SLIT3: variants seen among roughly 807,000 people sequenced by gnomAD.
The protein encoded by SLIT3 is slit guidance ligand 3, also known as slit homolog 3 protein.
SLIT3 carries 68 observed loss-of-function variants against 184.0 expected under a neutral mutation model. The ratio of observed to expected loss-of-function variants is 0.37; its 90% confidence interval spans 0.30 to 0.45. The LOEUF (loss-of-function observed/expected upper bound fraction) is 0.45, where lower values mean the gene tolerates loss of function less well. Among genes scored for constraint, SLIT3 ranks in the 20% least tolerant of loss-of-function variants. SLIT3 has a pLI of 1.00. For missense variants in SLIT3, 1,707 were observed against 2,026.0 expected (o/e 0.84, Z 3.02); for synonymous variants, 831 against 828.6 (o/e 1.00, Z -0.05).
intron 18 of SLIT3, among the ~76,000 whole-genome samples, chr5:168,751,990 C>T (rs904673024): frequency 3.3e-5 from 5 of 152,264 alleles, no homozygotes; most frequent in South Asian, 2.1e-4. Context: ...CCACCTGCCT[C>T]GGCCTCCCAA....
chr5:168,798,220 C>CTTTTTTTTTTTTT lies in SLIT3; in HGVS notation c.936-2643_936-2642insAAAAAAAAAAAAA, dbSNP rs575178855. On this transcript the variant is annotated intron_variant, in intron 9 of 35. Coordinates refer to ENST00000519560, the MANE Select transcript of SLIT3 (RefSeq NM_003062.4). The stretch of plus-strand genomic sequence containing the variant: ...CTTTTGGTTTTCTTTTCTTCTTCTT[C>CTTTTTTTTTTTTT]TTCTTTTTTTTTTTTTTTTAAGAGA... 1.1e-3 allele frequency among the ~76,000 whole-genome samples: 118 copies of CTTTTTTTTTTTTT among 112,244 alleles called. 7 individuals carry two copies. The highest frequency in any genetic ancestry group is 6.4e-3 in the South Asian group (17 of 2,652). The allele number at this position is 112,244 out of a possible 152,430, so 73.6% of individuals were successfully genotyped here. A position where few individuals can be genotyped will look rare whatever the true frequency, so the allele number is the denominator to read the frequency against.
chr5:168,948,228 A>G (rs189328554), intron 4 of SLIT3, among the ~76,000 whole-genome samples: 3 of 152,238 alleles, frequency 2.0e-5, no homozygotes, highest in African/African-American at 7.2e-5. Flanking sequence ...GGCCTGATGC[A>G]CTGCCTGGCA....
intron 32 of SLIT3, among the ~76,000 whole-genome samples, chr5:168,677,658 A>T (rs1295834014): frequency 1.3e-5 from 2 of 152,214 alleles, no homozygotes; most frequent in Non-Finnish European, 2.9e-5. Flanking sequence ...CATGTTGGCC[A>T]GGCTGTTCTT....
chr5:168,709,753 C>T (rs1260865695), intron 25 of SLIT3, among the ~76,000 whole-genome samples: 1 of 151,554 alleles, frequency 6.6e-6, no homozygotes, highest in African/African-American at 2.4e-5. Context: ...GATTATCAAA[C>T]AACTGTGTAT....
In SLIT3 at chr5:168,844,490, C is replaced by T. The variant is rs1308672415; in HGVS notation, c.557+94G>A. On this transcript the variant is annotated intron_variant, in intron 6 of 35. Transcript: ENST00000519560. Reference sequence around the variant, plus strand: ...AAATGCATTCACACAGACCCTCCTGCACACACTCTCCCCCTCTCTCCTCCC... The same window carrying T: ...AAATGCATTCACACAGACCCTCCTGTACACACTCTCCCCCTCTCTCCTCCC... 5.2e-6 allele frequency: 6 copies of T among 1,164,402 alleles called. No homozygotes were observed. The Admixed American group carries it at 7.4e-5, about 14-fold the overall frequency. The allele number at this position is 1,164,402 out of a possible 1,614,324, so 72.1% of individuals were successfully genotyped here. A position where few individuals can be genotyped will look rare whatever the true frequency, so the allele number is the denominator to read the frequency against.
intron 20 of SLIT3, 52 bp from the exon 21 acceptor site, chr5:168,724,536 C>T (rs1413915604): frequency 6.6e-7 from 1 of 1,520,038 alleles, no homozygotes; most frequent in Non-Finnish European, 9.0e-7. Flanking sequence ...TGTACAAATT[C>T]TCACCTTTTC....
chr5:168,932,187 G>A lies in SLIT3; in HGVS notation c.414-48851C>T, dbSNP rs149683873. On this transcript the variant is annotated intron_variant, in intron 4 of 35. Transcript: ENST00000519560. ...GTAAGCAGCCAGGACCTGTTTGGAC[G>A]ATTTCTCCTAATTCAGCCCCAAATG... Among the ~76,000 whole-genome samples the A allele has an allele frequency of 3.5e-4, 53 of 151,272 alleles. No homozygotes were observed. In the East Asian group the frequency reaches 9.0e-3, roughly 26 times the overall value.
intron 4 of SLIT3, among the ~76,000 whole-genome samples, chr5:169,112,752 T>A (rs1188102106): frequency 6.6e-6 from 1 of 152,056 alleles, no homozygotes; most frequent in Non-Finnish European, 1.5e-5. Flanking sequence ...GAGCAGGAGA[T>A]CAGAGGGCAA....
intron 4 of SLIT3, among the ~76,000 whole-genome samples, chr5:168,973,115 C>G (rs1309222980): frequency 8.0e-6 from 1 of 125,238 alleles, no homozygotes; most frequent in Non-Finnish European, 1.7e-5. Flanking sequence ...AAGACCAGTC[C>G]CCCATGCCTT....
chr5:169,219,421 T>C (rs1764550728), intron 3 of SLIT3, among the ~76,000 whole-genome samples: 1 of 152,246 alleles, frequency 6.6e-6, no homozygotes, highest in African/African-American at 2.4e-5. Flanking sequence ...CTCGGAAAAC[T>C]GAAGTTACGT....
chr5:168,988,614 C>G (rs62378610), intron 4 of SLIT3, among the ~76,000 whole-genome samples: 6,914 of 152,234 alleles, frequency 0.045, 179 homozygotes, highest in Non-Finnish European at 0.057. Flanking sequence ...AGGAAGACTG[C>G]GAGATCTAAC....
intron 4 of SLIT3, among the ~76,000 whole-genome samples, chr5:169,000,876 G>C (rs906176439): frequency 6.6e-6 from 1 of 151,918 alleles, no homozygotes; most frequent in African/African-American, 2.4e-5. Context: ...TCTTTTTTGG[G>C]GTTTTCAGTT....
intron 14 of SLIT3, among the ~76,000 whole-genome samples, chr5:168,763,708 G>A (rs1581054653): frequency 6.6e-6 from 1 of 152,188 alleles, no homozygotes; most frequent in Admixed American, 6.5e-5. Context: ...GAATCATGCT[G>A]GTTGGAACTG....
chr5:169,156,184 TA>T (rs1215254556), intron 4 of SLIT3, among the ~76,000 whole-genome samples: 5 of 152,160 alleles, frequency 3.3e-5, no homozygotes, highest in Non-Finnish European at 5.9e-5. Context: ...TCCTAACTGG[TA>T]AAGAGAAAAC....
chr5:168,936,374 A>G (rs535650944), intron 4 of SLIT3, among the ~76,000 whole-genome samples: 1 of 152,312 alleles, frequency 6.6e-6, no homozygotes, highest in African/African-American at 2.4e-5. Context: ...AGCTGGGATT[A>G]CATGCGCACA....
intron 19 of SLIT3, 27 bp downstream of exon 19, chr5:168,749,445 G>A (rs201174179): frequency 5.3e-5 from 86 of 1,612,886 alleles, no homozygotes; most frequent in South Asian, 1.9e-4. Context: ...GGCCTTCCCC[G>A]CAGACCTTGA....
In SLIT3 at chr5:168,998,005, C is replaced by T. The variant is rs376394622; in HGVS notation, c.414-114669G>A. ...CCATGCCCTCTCTCTCCCTCCATCT[C>T]TCCCCTTCCCTCCCTCTCTCTCCTC... is the stretch of plus-strand genomic sequence containing the variant. On this transcript the variant is annotated intron_variant, in intron 4 of 35. Transcript: ENST00000519560. Among the ~76,000 whole-genome samples, 30 of 152,220 alleles carry T rather than the reference C, an allele frequency of 2.0e-4. 1 individual carries two copies. Among genetic ancestry groups the T allele is most frequent in the African/African-American group, 6.7e-4 (28 of 41,542 alleles).
At chr5:168,846,081 C>T (rs1758451505) in intron 5 of SLIT3, among the ~76,000 whole-genome samples, 1 of 152,196 alleles carries the variant, frequency 6.6e-6, no homozygotes, top group African/African-American at 2.4e-5. Context: ...GGATAAGTAT[C>T]CAGATGTAGA....
intron 4 of SLIT3, chr5:169,120,505 A>G (rs1375742691): frequency 1.3e-5 from 2 of 152,110 alleles, no homozygotes; most frequent in Non-Finnish European, 2.9e-5. Context: ...AAAGAAATGA[A>G]TTCTCTCCTA....
Sources: gnomAD v4.1 joint callset for allele counts (sites outside exome capture counted in the v4.1 genomes callset) on GRCh38, gnomAD v4.1.1 for gene constraint, MANE v1.5 for transcripts, NCBI Gene and HGNC (gene_info 2026-07-23, HGNC 2026-07-21) for gene names.